SPHKAP: variants seen among roughly 807,000 people sequenced by gnomAD.
The protein encoded by SPHKAP is SPHK1 interactor, AKAP domain containing.
A neutral mutation model predicts 137.5 loss-of-function variants in SPHKAP; 67 were observed. The ratio of observed to expected loss-of-function variants is 0.49; its 90% confidence interval spans 0.40 to 0.60. The LOEUF is 0.60. Among genes scored for constraint, SPHKAP ranks in the 20% least tolerant of loss-of-function variants. The pLI is 0.00. For missense variants in SPHKAP, 2,097 were observed against 2,069.3 expected (o/e 1.01, Z -0.26); for synonymous variants, 813 against 785.3 (o/e 1.04, Z -0.59).
intron 1 of SPHKAP, among the ~76,000 whole-genome samples, chr2:228,140,720 T>A (rs947760664): frequency 1.3e-5 from 2 of 152,114 alleles, no homozygotes; most frequent in Non-Finnish European, 2.9e-5. Flanking sequence ...TTCTCATGAA[T>A]GGCTTAGCAC....
chr2:228,036,474 T>C (rs1369240758), intron 3 of SPHKAP, among the ~76,000 whole-genome samples: 1 of 152,184 alleles, frequency 6.6e-6, no homozygotes, highest in Admixed American at 6.5e-5. Context: ...AGACAGTGTG[T>C]CCATTCCTCA....
chr2:228,134,596 A>G (rs567721162), intron 1 of SPHKAP, among the ~76,000 whole-genome samples: 15 of 152,328 alleles, frequency 9.8e-5, no homozygotes, highest in Non-Finnish European at 2.2e-4. Context: ...GCTTTTACCA[A>G]AAGGCCGAAC....
Position 228,016,418 on chromosome 2 carries a change from C to A in SPHKAP, c.4436G>T (p.Cys1479Phe). 1.3e-6 allele frequency: 2 copies of A among 1,591,768 alleles called. No homozygotes were observed. The highest frequency in any genetic ancestry group is 1.7e-6 in the Non-Finnish European group (2 of 1,171,544). Reference protein sequence around the residue: ...VRGGDTAVSACQIHSDSLDTR... With the variant: ...VRGGDTAVSAFQIHSDSLDTR... ...ACGATTCACTCACCTATGGATTTGACAAGCGCTCACGGCTGTGTCTCCACC... is the reference window on the plus strand; with the variant it reads ...ACGATTCACTCACCTATGGATTTGAAAAGCGCTCACGGCTGTGTCTCCACC... Residue 1479 changes from cysteine (C) to phenylalanine (F), a missense_variant, in exon 7 of 12, where the codon TGT (cysteine) becomes TTT (phenylalanine). Coordinates refer to ENST00000392056, the MANE Select transcript of SPHKAP (RefSeq NM_001142644.2).
chr2:228,125,076 T>C (rs1699031022), intron 2 of SPHKAP, among the ~76,000 whole-genome samples: 1 of 152,178 alleles, frequency 6.6e-6, no homozygotes, highest in Non-Finnish European at 1.5e-5. Context: ...TCTGCCACCT[T>C]TGGTAAGTCC....
intron 7 of SPHKAP, among the ~76,000 whole-genome samples, chr2:228,000,401 G>A (rs1031870909): frequency 1.2e-4 from 18 of 152,190 alleles, no homozygotes; most frequent in Admixed American, 2.6e-4. Flanking sequence ...GGTGGATCAC[G>A]AGGTCAGGAG....
At chr2:227,983,742 T>C (rs533806140) in intron 11 of SPHKAP, among the ~76,000 whole-genome samples, 1 of 152,358 alleles carries the variant, frequency 6.6e-6, no homozygotes, top group East Asian at 1.9e-4. Context: ...AGGCATATCT[T>C]GAGGCTGTTG....
rs1183016314 is a variant in SPHKAP at position 227,993,625 on chromosome 2, C to T, written c.4635-5G>A. The T allele has an allele frequency of 6.3e-7, 1 of 1,582,840 alleles. No homozygotes were observed. Among genetic ancestry groups the T allele is most frequent in the African/African-American group, 1.3e-5 (1 of 74,404 alleles). ...GTGGCACTACTGTTGCCATTGCTGA[C>T]AAAGCAAAAGTTTACATATTAATGC... is the stretch of plus-strand genomic sequence containing the variant. On this transcript the variant is annotated splice_region_variant and splice_polypyrimidine_tract_variant and intron_variant, in intron 8 of 11. Transcript: ENST00000392056.
chr2:228,017,622 G>C lies in SPHKAP; in HGVS notation c.3232C>G (p.Leu1078Val), dbSNP rs780063730. Residue 1078 changes from leucine to valine, a missense_variant, in exon 7 of 12, where the codon CTG (leucine) becomes GTG (valine). Leu to Val is a conservative substitution (Grantham distance 32). Transcript: ENST00000392056. ...RLLSGDRWSRLKASSCESIPE... is the reference protein window; with the variant it reads ...RLLSGDRWSRVKASSCESIPE... ...ATGCTTTCGCAGCTGGAGGCCTTCA[G>C]CCGGCTCCACCTGTCGCCACTCAGT... 1 of 1,613,966 alleles carries C rather than the reference G, an allele frequency of 6.2e-7. No individual in the cohort carries two copies. Among genetic ancestry groups the C allele is most frequent in the Admixed American group, 1.7e-5 (1 of 60,030 alleles).
chr2:228,049,491 T>C (rs1696177978), intron 3 of SPHKAP, among the ~76,000 whole-genome samples: 1 of 152,224 alleles, frequency 6.6e-6, no homozygotes, highest in South Asian at 2.1e-4. Context: ...CTTCAAATTA[T>C]TTATGTATTA....
chr2:228,019,964 T>C lies in SPHKAP; in HGVS notation c.890A>G (p.Gln297Arg). 5 of 1,614,262 alleles carry C rather than the reference T, an allele frequency of 3.1e-6. No homozygotes were observed. The highest frequency in any genetic ancestry group is 2.2e-5 in the South Asian group (2 of 91,086). ...PENLTKNTAL[Q>R]SLDPSAKPSQ... ...TGGCTTGGCTGAGGGATCTAGACTC[T>C]GCAAGGCTGTGTTCTTTGTTAGGTT... The change falls in exon 7 of 12, where the codon CAG becomes CGG. Residue 297 changes from glutamine to arginine, a missense_variant. By Grantham distance (43) the Gln-to-Arg change is conservative. Transcript: ENST00000392056.
chr2:228,165,873 T>C (rs1374557370), intron 1 of SPHKAP, among the ~76,000 whole-genome samples: 1 of 152,248 alleles, frequency 6.6e-6, no homozygotes, highest in East Asian at 1.9e-4. Context: ...TATTTGGTGG[T>C]TGTTGCCTGT....
At position 228,082,733 on chromosome 2, in the gene SPHKAP, A is replaced by T. The variant is rs569981384; in HGVS notation, c.246+26099T>A. On this transcript the variant is annotated intron_variant, in intron 3 of 11. Coordinates refer to ENST00000392056, the MANE Select transcript of SPHKAP (RefSeq NM_001142644.2). Reference sequence around the variant, plus strand: ...CTTGGCTCCACTATTTACTAGCTGTATGACTCAGTTGCATCATTCAAGTTA... The same window carrying T: ...CTTGGCTCCACTATTTACTAGCTGTTTGACTCAGTTGCATCATTCAAGTTA... Among the ~76,000 whole-genome samples, 6 of 152,338 alleles carry T rather than the reference A, an allele frequency of 3.9e-5. No homozygotes were observed. In the East Asian group the frequency reaches 7.7e-4, roughly 20 times the overall value.
chr2:228,167,332 T>C (rs12615268), intron 1 of SPHKAP, among the ~76,000 whole-genome samples: 20,505 of 152,160 alleles, frequency 0.13, 1,392 homozygotes, highest in East Asian at 0.2. Flanking sequence ...GAAATACTAA[T>C]AGTGTAACAG....
chr2:228,072,895 G>A (rs1391047166), intron 3 of SPHKAP, among the ~76,000 whole-genome samples: 2 of 152,200 alleles, frequency 1.3e-5, no homozygotes, highest in African/African-American at 4.8e-5. Context: ...ATGCCCTGTG[G>A]AGCCAGGCTT....
At chr2:228,144,342 TGCAC>T (rs1271066295) in intron 1 of SPHKAP, among the ~76,000 whole-genome samples, 2 of 152,226 alleles carry the variant, frequency 1.3e-5, no homozygotes, top group East Asian at 1.9e-4. Context: ...ATTTCATGAA[TGCAC>T]TTATCTTTTT....
chr2:228,014,595 G>A (rs1694494563), intron 7 of SPHKAP, among the ~76,000 whole-genome samples: 2 of 152,096 alleles, frequency 1.3e-5, no homozygotes, highest in South Asian at 4.1e-4. Flanking sequence ...AGTACTGAGT[G>A]GCTAAAAAAG....
intron 3 of SPHKAP, among the ~76,000 whole-genome samples, chr2:228,084,349 C>A (rs1465011173): frequency 6.6e-6 from 1 of 152,002 alleles, no homozygotes; most frequent in Non-Finnish European, 1.5e-5. Flanking sequence ...TGACTACAAA[C>A]CGAAAGGTCA....
Position 228,065,656 on chromosome 2 carries a change from G to A in SPHKAP, c.247-38113C>T, listed in dbSNP as rs114595432. On this transcript the variant is annotated intron_variant, in intron 3 of 11. Transcript: ENST00000392056. ...TTTGAGTTTGTGATTCCTGATTTAAGGCTACTACTGCTGATGGTTGTGCAA... is the reference window on the plus strand; with the variant it reads ...TTTGAGTTTGTGATTCCTGATTTAAAGCTACTACTGCTGATGGTTGTGCAA... Among the ~76,000 whole-genome samples, 124 of 152,246 alleles carry A rather than the reference G, an allele frequency of 8.1e-4. 1 individual carries two copies. The highest frequency in any genetic ancestry group is 2.8e-3 in the African/African-American group (118 of 41,532).
chr2:228,146,128 A>G (rs1699767964), intron 1 of SPHKAP, among the ~76,000 whole-genome samples: 1 of 151,980 alleles, frequency 6.6e-6, no homozygotes. Flanking sequence ...TTAGGTTCAC[A>G]GCAAATTTAA....
Sources: allele counts gnomAD v4.1 joint callset (sites outside exome capture counted in the v4.1 genomes callset), GRCh38; gene constraint gnomAD v4.1.1; transcripts MANE v1.5; gene names NCBI Gene and HGNC (gene_info 2026-07-23, HGNC 2026-07-21).